The following USP34 variants were observed in gnomAD, a reference collection of about 807,000 sequenced individuals.
USP34 encodes ubiquitin carboxyl-terminal hydrolase 34.
In USP34, 70 loss-of-function variants were observed where a neutral mutation model predicts 460.3. That is an observed-to-expected ratio of 0.15 (90% CI 0.13 to 0.19). The LOEUF (loss-of-function observed/expected upper bound fraction) is 0.19. Ranked by LOEUF, USP34 falls within the 10% of genes least tolerant of loss-of-function variation. USP34 has a pLI of 1.00. For synonymous variants in USP34, 1,647 were observed against 1,405.3 expected, an observed-to-expected ratio of 1.17 and a Z score of -3.85; for missense variants, 3,985 against 4,236.2, an observed-to-expected ratio of 0.94 and a Z score of 1.65.
At chr2:61,320,419 A>G (rs1019707529) in intron 21 of USP34, among the ~76,000 whole-genome samples, 3 of 152,188 alleles carry the variant, frequency 2.0e-5, no homozygotes, top group African/African-American at 7.2e-5. Flanking sequence ...GGAGGAAACC[A>G]GGGTACCCAG....
intron 53 of USP34, among the ~76,000 whole-genome samples, chr2:61,239,300 T>TCACTCTCA (rs1553355588): frequency 7.5e-6 from 1 of 132,768 alleles, no homozygotes; most frequent in South Asian, 2.5e-4. Context: ...GAGGGCCCTG[T>TCACTCTCA]CACACACACA....
chr2:61,366,727 TACA>T (rs1159888372), intron 10 of USP34, among the ~76,000 whole-genome samples: 1 of 152,060 alleles, frequency 6.6e-6, no homozygotes, highest in African/African-American at 2.4e-5. Context: ...CCAAAGTATA[TACA>T]ACATTTATGT....
At chr2:61,281,375 G>T in intron 37 of USP34, 133 bp from the exon 38 acceptor site, 1 of 1,154,458 alleles carries the variant, frequency 8.7e-7, no homozygotes, top group Non-Finnish European at 1.2e-6. Flanking sequence ...ACTTTTGGAG[G>T]CCCAGGCAGG....
chr2:61,204,150 C>T (rs961976497), intron 74 of USP34, 106 bp downstream of exon 74: 10 of 1,425,936 alleles, frequency 7.0e-6, no homozygotes, highest in Non-Finnish European at 5.7e-6. Flanking sequence ...TTCTTAGGAT[C>T]CACAAAATTG....
intron 70 of USP34, chr2:61,207,475 CTG>C: frequency 6.6e-6 from 1 of 152,642 alleles, no homozygotes; most frequent in South Asian, 2.1e-4. Flanking sequence ...AGCTTACACA[CTG>C]TAATACCCAC....
chr2:61,467,582 G>C (rs1478059463), intron 1 of USP34, among the ~76,000 whole-genome samples: 1 of 147,716 alleles, frequency 6.8e-6, no homozygotes. Context: ...ATTTAAAGAT[G>C]AATTCTGAGC....
chr2:61,210,803 T>A (rs1380539006), intron 69 of USP34, among the ~76,000 whole-genome samples: 1 of 152,108 alleles, frequency 6.6e-6, no homozygotes, highest in Non-Finnish European at 1.5e-5. Context: ...CTTCCACCTT[T>A]TGGGCTCAAG....
chr2:61,331,236 A>T, intron 20 of USP34, 40 bp downstream of exon 20: 1 of 1,517,956 alleles, frequency 6.6e-7, no homozygotes, highest in Non-Finnish European at 9.0e-7. Context: ...AAGGAAAGAC[A>T]TCGACACAAA....
At chr2:61,234,410 T>C (rs1357826190) in intron 57 of USP34, among the ~76,000 whole-genome samples, 3 of 152,186 alleles carry the variant, frequency 2.0e-5, no homozygotes, top group Admixed American at 2.0e-4. Flanking sequence ...TGGGTTATCC[T>C]TAGGGATGCA....
chr2:61,360,206 A>T (rs1692233475), intron 10 of USP34, among the ~76,000 whole-genome samples: 1 of 152,174 alleles, frequency 6.6e-6, no homozygotes, highest in Non-Finnish European at 1.5e-5. Context: ...ATTCCAAGAG[A>T]GAAGACTTAA....
chr2:61,279,571 G>A (rs908885521), intron 39 of USP34, among the ~76,000 whole-genome samples: 5 of 152,060 alleles, frequency 3.3e-5, no homozygotes, highest in African/African-American at 1.2e-4. Context: ...GGGTTCAAGC[G>A]ATTCTGCCTC....
chr2:61,420,164 A>T (rs1345260153), intron 2 of USP34, among the ~76,000 whole-genome samples: 1 of 152,190 alleles, frequency 6.6e-6, no homozygotes, highest in Admixed American at 6.5e-5. Context: ...AGAAGGACTA[A>T]GTTTAAGTTA....
intron 27 of USP34, among the ~76,000 whole-genome samples, chr2:61,306,697 A>G (rs1425879561): frequency 6.6e-6 from 1 of 152,230 alleles, no homozygotes; most frequent in African/African-American, 2.4e-5. Context: ...TTATGCAGCC[A>G]AAAGACACAT....
chr2:61,463,257 G>A (rs1375916523), intron 1 of USP34, among the ~76,000 whole-genome samples: 1 of 151,894 alleles, frequency 6.6e-6, no homozygotes, highest in Non-Finnish European at 1.5e-5. Context: ...GAGCCCAGGA[G>A]CTTGAGGCTG....
intron 51 of USP34, among the ~76,000 whole-genome samples, chr2:61,243,980 G>C (rs1688351686): frequency 6.6e-6 from 1 of 151,524 alleles, no homozygotes; most frequent in Admixed American, 6.6e-5. Context: ...TTTCTAAATT[G>C]TTAGCAAGTG....
chr2:61,454,531 G>A (rs190189579), intron 1 of USP34, among the ~76,000 whole-genome samples: 104 of 152,126 alleles, frequency 6.8e-4, no homozygotes, highest in African/African-American at 2.4e-3. Context: ...TAAACAACAG[G>A]TCCCTGGTGA....
At chr2:61,410,344 A>T (rs1260728949) in intron 2 of USP34, among the ~76,000 whole-genome samples, 1 of 152,142 alleles carries the variant, frequency 6.6e-6, no homozygotes, top group African/African-American at 2.4e-5. Context: ...TCACAACATG[A>T]TTCATGCTCC....
At chr2:61,396,063 A>G (rs974865320) in intron 3 of USP34, among the ~76,000 whole-genome samples, 13 of 152,080 alleles carry the variant, frequency 8.5e-5, no homozygotes, top group South Asian at 2.1e-4. Flanking sequence ...TCAAAAAAAA[A>G]AAAAAAGGTT....
rs1303747395 is a variant in USP34 at position 61,470,814 on chromosome 2, AGGGCGGGCGGCGGCGGGGACG to A, written c.-143_-123del. 1.4e-5 allele frequency: 4 copies of A among 284,196 alleles called. No individual in the cohort carries two copies. The highest frequency in any genetic ancestry group is 3.1e-5 in the African/African-American group (1 of 32,566). The allele number at this position is 284,196 out of a possible 1,614,324, so 17.6% of individuals were successfully genotyped here. A position where few individuals can be genotyped will look rare whatever the true frequency, so the allele number is the denominator to read the frequency against. On this transcript the variant is annotated 5_prime_UTR_variant, in exon 1 of 80. Coordinates refer to ENST00000398571, the MANE Select transcript of USP34 (RefSeq NM_014709.4). Reference sequence around the variant, plus strand: ...CGGCCGGCGGGGCGGGGAGGCGACTAGGGCGGGCGGCGGCGGGGACGGGGCGGGGAGCAAGAGAATGGGGGA... The same window carrying A: ...CGGCCGGCGGGGCGGGGAGGCGACTAGGGCGGGGAGCAAGAGAATGGGGGA...
Sources: allele counts gnomAD v4.1 joint callset (sites outside exome capture counted in the v4.1 genomes callset), GRCh38; gene constraint gnomAD v4.1.1; transcripts MANE v1.5; gene names NCBI Gene and HGNC (gene_info 2026-07-23, HGNC 2026-07-21).